SS18L1: variants seen among roughly 807,000 people sequenced by gnomAD.
The protein encoded by SS18L1 is SS18L1 subunit of BAF chromatin remodeling complex, also known as calcium-responsive transactivator.
A neutral mutation model predicts 70.3 loss-of-function variants in SS18L1; 32 were observed. The observed-to-expected ratio is 0.46, with a 90% CI of 0.34 to 0.61. SS18L1 has a LOEUF of 0.61. Ranked by LOEUF, SS18L1 falls within the 20% of genes least tolerant of loss-of-function variation. The probability of loss-of-function intolerance (pLI) is 0.01; values close to 1 mark genes in which losing one functional copy is unlikely to be tolerated. For missense variants in SS18L1, 430 were observed against 542.1 expected (o/e 0.79, Z 2.05); for synonymous variants, 237 against 229.7 (o/e 1.03, Z -0.29).
At chr20:62,146,605 A>ATTTTTTTT (rs10673768) in intron 1 of SS18L1, among the ~76,000 whole-genome samples, 1,713 of 79,640 alleles carry the variant, frequency 0.022, 125 homozygotes, top group Non-Finnish European at 0.025. Context: ...TGCTTTGATC[A>ATTTTTTTT]TTTTTTTTTT....
At chr20:62,148,528 C>T (rs975751227) in intron 1 of SS18L1, among the ~76,000 whole-genome samples, 2 of 129,374 alleles carry the variant, frequency 1.5e-5, no homozygotes, top group Non-Finnish European at 3.3e-5. Context: ...TTGCTGTCTT[C>T]GGTCAGGTGA....
chr20:62,172,704 G>A lies in SS18L1; in HGVS notation c.939G>A (p.Gln313=). Residue 313 remains glutamine (Q), a synonymous_variant, in exon 9 of 11, where the codon CAG becomes CAA. Transcript: ENST00000331758. ...CAGGAAACTCCCAGTACAGCCAGCAGCAGGCCGGGTACCAGCAGGGTGCCG... is the reference window on the plus strand; with the variant it reads ...CAGGAAACTCCCAGTACAGCCAGCAACAGGCCGGGTACCAGCAGGGTGCCG... ...YEGGNSQYSQ[Q]QAGYQQGAAQ... 6.2e-7 allele frequency: 1 copy of A among 1,614,120 alleles called. No homozygotes were observed. Among genetic ancestry groups the A allele is most frequent in the Non-Finnish European group, 8.5e-7 (1 of 1,180,030 alleles).
intron 10 of SS18L1, among the ~76,000 whole-genome samples, chr20:62,178,359 G>A (rs562614100): frequency 8.6e-5 from 13 of 151,382 alleles, no homozygotes; most frequent in African/African-American, 3.2e-4. Flanking sequence ...CACCATGTTG[G>A]CCAGGCTGGT....
Position 62,164,197 on chromosome 20 carries a change from C to G in SS18L1, c.774C>G (p.Ser258Arg). Residue 258 changes from serine (S) to arginine (R), a missense_variant, in exon 7 of 11, where the codon AGC (serine) becomes AGG (arginine). Transcript: ENST00000331758. ...GQEEYYGEQY[S>R]HSQGAAEPMG... Reference sequence around the variant, plus strand: ...AGGAGTACTATGGCGAGCAGTACAGCCACAGCCAGGGCGCCGCGGAGCCCA... The same window carrying G: ...AGGAGTACTATGGCGAGCAGTACAGGCACAGCCAGGGCGCCGCGGAGCCCA... The G allele has an allele frequency of 6.5e-7, 1 of 1,550,114 alleles. No homozygotes were observed. Among genetic ancestry groups the G allele is most frequent in the Non-Finnish European group, 8.7e-7 (1 of 1,146,728 alleles).
chr20:62,145,076 C>T (rs2056999635), intron 1 of SS18L1, among the ~76,000 whole-genome samples: 1 of 152,208 alleles, frequency 6.6e-6, no homozygotes, highest in Non-Finnish European at 1.5e-5. Flanking sequence ...CAAATGAGAA[C>T]CTTGGCCAAC....
At chr20:62,170,407 G>C (rs532321630) in intron 8 of SS18L1, among the ~76,000 whole-genome samples, 74 of 152,224 alleles carry the variant, frequency 4.9e-4, no homozygotes, top group Non-Finnish European at 9.1e-4. Flanking sequence ...TCAGGAGGCC[G>C]AGGCAGGAGA....
chr20:62,150,999 C>G (rs1238083835), intron 1 of SS18L1, among the ~76,000 whole-genome samples: 1 of 152,134 alleles, frequency 6.6e-6, no homozygotes, highest in Non-Finnish European at 1.5e-5. Context: ...AAAGGACAAC[C>G]ATGAGGACAC....
At position 62,163,636 on chromosome 20, in the gene SS18L1, G is replaced by A. The variant is rs769271838; in HGVS notation, c.721+14G>A. The A allele has an allele frequency of 1.2e-5, 19 of 1,552,324 alleles. No homozygotes were observed. Among genetic ancestry groups the A allele is most frequent in the African/African-American group, 8.1e-5 (6 of 74,108 alleles). The stretch of plus-strand genomic sequence containing the variant: ...CCTCCCAGCAAGGTAACGCCCGGCC[G>A]GGCCAGGTCGCGGGCACAGCTGACC... On this transcript the variant is annotated intron_variant, in intron 6 of 10. Coordinates refer to ENST00000331758, the MANE Select transcript of SS18L1 (RefSeq NM_198935.3).
chr20:62,177,160 C>G (rs2057633492), intron 10 of SS18L1, among the ~76,000 whole-genome samples: 1 of 152,140 alleles, frequency 6.6e-6, no homozygotes, highest in Non-Finnish European at 1.5e-5. Flanking sequence ...CGCTGTGGCT[C>G]ACGCCTATAG....
rs1568766643 is a variant in SS18L1, at chr20:62,174,600, A to T, written c.1120A>T (p.Thr374Ser). ...QQYGSYRAPQ[T>S]APSAQQQRPY... is the part of the protein sequence containing the mutation. ...GTACGGAAGCTACCGAGCACCGCAG[A>T]CAGCGCCGTCTGCCCAGCAGCAGCG... The change falls in exon 10 of 11, where the codon ACA becomes TCA. Residue 374 changes from threonine (T) to serine (S), a missense_variant. Transcript: ENST00000331758. This position sits in a 1 kb window ranked among gnomAD's most constrained non-coding sequence, Gnocchi z 4.1. 1 of 1,613,758 alleles carries T rather than the reference A, an allele frequency of 6.2e-7. No individual in the cohort carries two copies.
rs549509546 is a variant in SS18L1 at position 62,175,001 on chromosome 20, C to T, written c.1164+357C>T. The T allele has an allele frequency of 2.1e-3, 1,829 of 857,678 alleles. 3 individuals carry two copies. The highest frequency in any genetic ancestry group is 2.4e-3 in the Non-Finnish European group (1,728 of 713,640). 53.1% of individuals were successfully genotyped at this position (857,678 alleles called of 1,614,324 possible). The stretch of plus-strand genomic sequence containing the variant: ...CCCTGCACTTTTAGAGCTTATGTCT[C>T]GCTACAGAGACATAAGGTGGTCCCA... On this transcript the variant is annotated intron_variant, in intron 10 of 10. Coordinates refer to ENST00000331758, the MANE Select transcript of SS18L1 (RefSeq NM_198935.3).
intron 1 of SS18L1, among the ~76,000 whole-genome samples, chr20:62,152,619 G>C (rs1262798693): frequency 6.6e-6 from 1 of 152,140 alleles, no homozygotes; most frequent in African/African-American, 2.4e-5. Context: ...AGTAAATACA[G>C]AAGATCTAGA....
Position 62,181,924 on chromosome 20 carries a change from C to T in SS18L1, c.*2716C>T, listed in dbSNP as rs2057717049. ...GACGCTCATTCTTCTTCCTATTGTT[C>T]CCTGACATCCAGCAAATTGTGAATT... On this transcript the variant is annotated 3_prime_UTR_variant, in exon 11 of 11. Transcript: ENST00000331758. The T allele has an allele frequency of 4.4e-6, 1 of 228,608 alleles. No homozygotes were observed. The highest frequency in any genetic ancestry group is 6.3e-5 in the East Asian group (1 of 15,928). 14.2% of individuals were successfully genotyped at this position (228,608 alleles called of 1,614,324 possible).
intron 8 of SS18L1, among the ~76,000 whole-genome samples, chr20:62,165,979 G>A (rs938227528): frequency 2.6e-5 from 4 of 152,212 alleles, no homozygotes; most frequent in Non-Finnish European, 2.9e-5. Flanking sequence ...GCCAGGAAAC[G>A]CACATCTGTG....
chr20:62,172,121 G>A (rs1354524023), intron 8 of SS18L1, among the ~76,000 whole-genome samples: 2 of 150,222 alleles, frequency 1.3e-5, no homozygotes, highest in African/African-American at 2.5e-5. Flanking sequence ...CTGAGATCTC[G>A]CCACTGCACT....
At chr20:62,164,722 T>C (rs1255660827) in intron 7 of SS18L1, among the ~76,000 whole-genome samples, 4 of 152,134 alleles carry the variant, frequency 2.6e-5, no homozygotes, top group Non-Finnish European at 1.5e-5. Context: ...CCAGGGCTTG[T>C]GGAAGGGATA....
intron 3 of SS18L1, among the ~76,000 whole-genome samples, chr20:62,160,951 A>G (rs1393799607): frequency 6.6e-6 from 1 of 151,504 alleles, no homozygotes; most frequent in African/African-American, 2.4e-5. Flanking sequence ...GTGCGGTGTG[A>G]TCCGAGGCGG....
chr20:62,161,413 T>G lies in SS18L1; in HGVS notation c.232-23T>G. On this transcript the variant is annotated intron_variant, in intron 3 of 10. Coordinates refer to ENST00000331758, the MANE Select transcript of SS18L1 (RefSeq NM_198935.3). The surrounding 1 kb of genome is among the most constrained non-coding windows in gnomAD (Gnocchi z 4.4). Reference sequence around the variant, plus strand: ...TCTCCGTAAATTAACCGTTTTTCCCTGAAAACTTCCTGTTGCCTGCAGCCG... The same window carrying G: ...TCTCCGTAAATTAACCGTTTTTCCCGGAAAACTTCCTGTTGCCTGCAGCCG... 1 of 1,612,716 alleles carries G rather than the reference T, an allele frequency of 6.2e-7. No homozygotes were observed. Among genetic ancestry groups the G allele is most frequent in the East Asian group, 2.2e-5 (1 of 44,852 alleles).
intron 1 of SS18L1, among the ~76,000 whole-genome samples, chr20:62,144,937 C>T (rs1049074578): frequency 1.3e-5 from 2 of 152,234 alleles, no homozygotes; most frequent in Non-Finnish European, 2.9e-5. Context: ...TAAGGGGGTT[C>T]ACCTTGACCT....
Sources: allele counts gnomAD v4.1 joint callset (sites outside exome capture counted in the v4.1 genomes callset), GRCh38; gene constraint gnomAD v4.1.1; non-coding constraint Gnocchi (gnomAD v3.1); transcripts MANE v1.5; gene names NCBI Gene and HGNC (gene_info 2026-07-23, HGNC 2026-07-21).